Variants in GNPTAB observed in about 807,000 individuals in gnomAD.
GNPTAB encodes N-acetylglucosamine-1-phosphate transferase subunits alpha and beta.
GNPTAB carries 92 observed loss-of-function variants against 136.6 expected under a neutral mutation model. The ratio of observed to expected loss-of-function variants is 0.67; its 90% CI spans 0.57 to 0.80. The LOEUF (loss-of-function observed/expected upper bound fraction) is 0.80. GNPTAB is among the 30% of genes least tolerant of loss of function. The pLI, the probability that GNPTAB is intolerant of heterozygous loss-of-function variation, is 0.00. For missense variants in GNPTAB, 1,343 were observed against 1,501.8 expected, an observed-to-expected ratio of 0.89 and a Z score of 1.75; for synonymous variants, 512 against 535.1, an observed-to-expected ratio of 0.96 and a Z score of 0.60.
In GNPTAB at chr12:101,830,490, C is replaced by T. The variant is rs1387465064; in HGVS notation, c.117+69G>A. 4.9e-6 allele frequency: 4 copies of T among 824,324 alleles called. No individual in the cohort carries two copies. In the South Asian group the frequency reaches 5.5e-5, roughly 11 times the overall value. 51.1% of individuals were successfully genotyped at this position (824,324 alleles called of 1,614,324 possible). On this transcript the variant is annotated intron_variant, in intron 1 of 20. Coordinates refer to ENST00000299314, the MANE Select transcript of GNPTAB (RefSeq NM_024312.5). The stretch of plus-strand genomic sequence containing the variant: ...TGAAAAAATACATACTGTATCGGGG[C>T]ATCGCGGGGCACGGCGAGGGCAGTG...
intron 4 of GNPTAB, among the ~76,000 whole-genome samples, chr12:101,786,786 C>T (rs1287437441): frequency 2.0e-5 from 3 of 152,118 alleles, no homozygotes; most frequent in Admixed American, 6.5e-5. Context: ...GCAAAGGACA[C>T]GGCTAGAAAA....
At chr12:101,756,496 C>T in intron 18 of GNPTAB, 1 of 398,736 alleles carries the variant, frequency 2.5e-6, no homozygotes, top group South Asian at 1.8e-5. Flanking sequence ...ATTGCTTGAG[C>T]CCACGAGGTC....
At chr12:101,813,665 C>A (rs1870352560) in intron 1 of GNPTAB, among the ~76,000 whole-genome samples, 2 of 152,168 alleles carry the variant, frequency 1.3e-5, no homozygotes, top group Non-Finnish European at 2.9e-5. Flanking sequence ...AACAGCAGTT[C>A]TCAAACTTTT....
chr12:101,816,221 A>G (rs187673246), intron 1 of GNPTAB, among the ~76,000 whole-genome samples: 14 of 152,342 alleles, frequency 9.2e-5, no homozygotes, highest in Admixed American at 6.5e-4. Flanking sequence ...AAGCTTCTGC[A>G]CAGCAAAGGA....
intron 1 of GNPTAB, among the ~76,000 whole-genome samples, chr12:101,830,004 C>CAAAAAAAAAAAAAAAAA (rs35884808): frequency 1.9e-5 from 2 of 106,166 alleles, no homozygotes; most frequent in Non-Finnish European, 2.0e-5. Flanking sequence ...AACCTCCTAC[C>CAAAAAAAAAAAAAAAAA]AAAAAAAAAA....
intron 16 of GNPTAB, 95 bp downstream of exon 16, chr12:101,759,935 G>C: frequency 2.5e-6 from 2 of 791,702 alleles, no homozygotes; most frequent in South Asian, 2.7e-5. Flanking sequence ...CATAGAGCCT[G>C]CTGCTAGTTC....
In GNPTAB at chr12:101,766,128, G is replaced by A. The variant is rs756143691; in HGVS notation, c.1575C>T (p.Val525=). 5 of 1,614,006 alleles carry A rather than the reference G, an allele frequency of 3.1e-6. No individual in the cohort carries two copies. In the African/African-American group the frequency reaches 4.0e-5, roughly 13 times the overall value. The part of the protein sequence containing the change: ...ADKFCDQACN[V]LSCGFDAGDC... ...CGCCAGCATCAAACCCACAGGACAA[G>A]ACATTGCATGCTTGGTCACAGAACT... is the stretch of plus-strand genomic sequence containing the variant. Residue 525 remains valine, a synonymous_variant, in exon 12 of 21, where the codon GTC becomes GTT. Coordinates refer to ENST00000299314, the MANE Select transcript of GNPTAB (RefSeq NM_024312.5).
chr12:101,769,521 A>G (rs1319137067), intron 10 of GNPTAB, among the ~76,000 whole-genome samples: 1 of 152,142 alleles, frequency 6.6e-6, no homozygotes, highest in Non-Finnish European at 1.5e-5. Flanking sequence ...TTCTAACTGT[A>G]GTGTTCTTAC....
rs201356176 is a variant in GNPTAB, at chr12:101,761,147, C to G, written c.3115G>C (p.Glu1039Gln). The G allele has an allele frequency of 5.0e-6, 8 of 1,613,056 alleles. No individual in the cohort carries two copies. Residue 1039 changes from glutamate to glutamine, a missense_variant, in exon 15 of 21, where the codon GAA (glutamate) becomes CAA (glutamine). Coordinates refer to ENST00000299314, the MANE Select transcript of GNPTAB (RefSeq NM_024312.5). Reference protein sequence around the residue: ...EIRTLATRIHELPLSLQDLTG... With the variant: ...EIRTLATRIHQLPLSLQDLTG... ...AACACCTGCAAACTTAACGGCAGTT[C>G]GTGAATTCTGGTAGCCAGTGTTCGG...
rs140656599 is a variant in GNPTAB, at chr12:101,788,576, T to C, written c.337A>G (p.Lys113Glu). The change falls in exon 4 of 21, where the codon AAA (lysine) becomes GAA (glutamate). Residue 113 changes from lysine to glutamate, a missense_variant. By Grantham distance (56) the Lys-to-Glu change is moderately conservative. Coordinates refer to ENST00000299314, the MANE Select transcript of GNPTAB (RefSeq NM_024312.5). ...EQKAMREILG[K>E]NTTEPTKKSE... ...TTCTTAGTAGGTTCCGTTGTGTTTT[T>C]CCCAAGGATTTCTCTAATAAAAAGC... is the stretch of plus-strand genomic sequence containing the variant. The C allele has an allele frequency of 4.9e-5, 76 of 1,559,114 alleles. No individual in the cohort carries two copies. Among genetic ancestry groups the C allele is most frequent in the Admixed American group, 3.3e-4 (20 of 59,940 alleles).
chr12:101,766,063 A>G lies in GNPTAB; in HGVS notation c.1612+28T>C, dbSNP rs74389509. ...CCTGTCAAGGATGTTTTATGCTCCCATTCTTATTTGTTTGGCAGTAAACAT... is the reference window on the plus strand; with the variant it reads ...CCTGTCAAGGATGTTTTATGCTCCCGTTCTTATTTGTTTGGCAGTAAACAT... On this transcript the variant is annotated intron_variant, in intron 12 of 20. Transcript: ENST00000299314. 23,062 of 1,596,176 alleles carry G rather than the reference A, an allele frequency of 0.014. 241 individuals are homozygous for G. The highest frequency in any genetic ancestry group is 0.04 in the African/African-American group (2,958 of 74,640).
rs1953240751 is a variant in GNPTAB at position 101,775,053 on chromosome 12, A to C, written c.772-3896T>G. Among the ~76,000 whole-genome samples the C allele has an allele frequency of 3.3e-5, 5 of 152,352 alleles. 1 individual carries two copies. In the South Asian group the frequency reaches 1.0e-3, roughly 32 times the overall value. On this transcript the variant is annotated intron_variant, in intron 7 of 20. Coordinates refer to ENST00000299314, the MANE Select transcript of GNPTAB (RefSeq NM_024312.5). ...CTGGGATGCTGCTAAACATCCTACAATACATAGGACAGTCCCCCAAGGATA... is the reference window on the plus strand; with the variant it reads ...CTGGGATGCTGCTAAACATCCTACACTACATAGGACAGTCCCCCAAGGATA...
chr12:101,783,412 G>T (rs955841405), intron 5 of GNPTAB, among the ~76,000 whole-genome samples: 27 of 152,210 alleles, frequency 1.8e-4, no homozygotes, highest in South Asian at 4.1e-4. Context: ...GGGATTACGT[G>T]AGTTCTGTGT....
In GNPTAB at chr12:101,768,178, A is replaced by G. The variant is rs1194892241; in HGVS notation, c.1285-18T>C. 3.7e-6 allele frequency: 6 copies of G among 1,613,848 alleles called. No individual in the cohort carries two copies. The highest frequency in any genetic ancestry group is 2.2e-5 in the South Asian group (2 of 91,086). The stretch of plus-strand genomic sequence containing the variant: ...AAATAAACCTACGATAAAACCAAAG[A>G]GAAAATAAAATGACTTCTGGCTTCT... On this transcript the variant is annotated intron_variant, in intron 10 of 20. Coordinates refer to ENST00000299314, the MANE Select transcript of GNPTAB (RefSeq NM_024312.5).
intron 1 of GNPTAB, chr12:101,810,388 T>A (rs1870152249): frequency 7.0e-6 from 1 of 142,420 alleles, no homozygotes; most frequent in African/African-American, 2.7e-5. Flanking sequence ...TAAAGTCTAC[T>A]CCAATTTCAT....
intron 1 of GNPTAB, among the ~76,000 whole-genome samples, chr12:101,813,174 G>A (rs966306056): frequency 4.6e-5 from 7 of 152,084 alleles, no homozygotes; most frequent in Non-Finnish European, 8.8e-5. Context: ...TATGCAATCC[G>A]AAGGGAAACT....
At chr12:101,829,213 G>C (rs111692470) in intron 1 of GNPTAB, among the ~76,000 whole-genome samples, 1 of 152,314 alleles carries the variant, frequency 6.6e-6, no homozygotes, top group Admixed American at 6.5e-5. Flanking sequence ...GGCCAGGTGC[G>C]GTGGCTTACA....
rs2137124252 is a variant in GNPTAB at position 101,770,555 on chromosome 12, G to A, written c.964C>T (p.Arg322Cys). ...CTCAGTTCTTCGTTATCTTCAAAAC[G>A]ACTGGCAGAGATGTCTTCATCCTGC... The part of the protein sequence containing the change: ...SKQDEDISAS[R>C]FEDNEELRYS... Residue 322 changes from arginine (R) to cysteine (C), a missense_variant, in exon 9 of 21, where the codon CGT becomes TGT. Transcript: ENST00000299314. 2 of 1,613,448 alleles carry A rather than the reference G, an allele frequency of 1.2e-6. No individual in the cohort carries two copies. The highest frequency in any genetic ancestry group is 1.1e-5 in the South Asian group (1 of 91,044).
intron 2 of GNPTAB, among the ~76,000 whole-genome samples, chr12:101,795,571 G>A (rs1312614317): frequency 2.0e-5 from 3 of 151,988 alleles, no homozygotes; most frequent in African/African-American, 7.2e-5. Context: ...TGGACAACAT[G>A]ACGAAATTCC....
Sources: allele counts gnomAD v4.1 joint callset (sites outside exome capture counted in the v4.1 genomes callset), GRCh38; gene constraint gnomAD v4.1.1; transcripts MANE v1.5; gene names NCBI Gene and HGNC (gene_info 2026-07-23, HGNC 2026-07-21).